ELAPOR2: variants seen among roughly 807,000 people sequenced by gnomAD.
ELAPOR2 encodes the protein endosome-lysosome associated apoptosis and autophagy regulator family member 2.
A neutral mutation model predicts 120.7 loss-of-function variants in ELAPOR2; 89 were observed. The ratio of observed to expected loss-of-function variants is 0.74; its 90% confidence interval spans 0.62 to 0.88. The LOEUF (loss-of-function observed/expected upper bound fraction) is 0.88. Among genes scored for constraint, ELAPOR2 ranks in the 40% least tolerant of loss-of-function variants. The pLI is 0.00. For missense variants in ELAPOR2, 1,134 were observed against 1,251.6 expected (o/e 0.91, Z 1.42); for synonymous variants, 444 against 444.9 (o/e 1.00, Z 0.03).
At chr7:86,972,216 C>A (rs775371420) in intron 1 of ELAPOR2, among the ~76,000 whole-genome samples, 2 of 152,104 alleles carry the variant, frequency 1.3e-5, no homozygotes, top group Non-Finnish European at 2.9e-5. Context: ...CTCTTTTGCC[C>A]CAGCCAATCA....
intron 1 of ELAPOR2, among the ~76,000 whole-genome samples, chr7:87,019,106 GA>G (rs1258047949): frequency 6.6e-6 from 1 of 151,952 alleles, no homozygotes; most frequent in African/African-American, 2.4e-5. Flanking sequence ...CAGCAACATA[GA>G]AAAAAATATA....
chr7:86,958,679 G>C (rs1791578280), intron 2 of ELAPOR2, among the ~76,000 whole-genome samples: 1 of 152,112 alleles, frequency 6.6e-6, no homozygotes, highest in Non-Finnish European at 1.5e-5. Context: ...CCTATACCTG[G>C]AATGTCACTT....
intron 1 of ELAPOR2, among the ~76,000 whole-genome samples, chr7:87,005,313 A>G (rs140158966): frequency 5.3e-4 from 79 of 149,952 alleles, no homozygotes; most frequent in African/African-American, 1.9e-3. Context: ...TTATGACATT[A>G]AAGTCTGTGT....
chr7:86,901,200 T>C (rs1788709700), intron 18 of ELAPOR2, among the ~76,000 whole-genome samples: 1 of 152,224 alleles, frequency 6.6e-6, no homozygotes, highest in Non-Finnish European at 1.5e-5. Context: ...CACAACCAGG[T>C]GGACCTTGAT....
chr7:86,964,123 C>T (rs996537795), intron 2 of ELAPOR2, among the ~76,000 whole-genome samples: 4 of 152,142 alleles, frequency 2.6e-5, no homozygotes, highest in Admixed American at 2.6e-4. Context: ...AAAAACTAAG[C>T]TTTTAGGAAT....
intron 1 of ELAPOR2, among the ~76,000 whole-genome samples, chr7:87,011,385 GTA>G (rs767902220): frequency 2.0e-5 from 3 of 152,088 alleles, no homozygotes; most frequent in Non-Finnish European, 2.9e-5. Context: ...ATCCATGTCT[GTA>G]TACCTGAAAA....
intron 5 of ELAPOR2, chr7:86,941,344 A>C (rs559344255): frequency 7.3e-5 from 39 of 532,784 alleles, no homozygotes; most frequent in Admixed American, 6.4e-4. Flanking sequence ...GATTCACTGA[A>C]TTGTTACCTG....
chr7:86,912,067 C>T lies in ELAPOR2; in HGVS notation c.2169+5G>A. The stretch of plus-strand genomic sequence containing the variant: ...GTCCATCTCACCTTGACAGCCAGAA[C>T]TCACCTCATGCCCACATAAACTGAT... On this transcript the variant is annotated splice_donor_5th_base_variant and intron_variant, in intron 15 of 21. Transcript: ENST00000450689. 2 of 1,598,892 alleles carry T rather than the reference C, an allele frequency of 1.3e-6. No individual in the cohort carries two copies. Among genetic ancestry groups the T allele is most frequent in the South Asian group, 1.1e-5 (1 of 90,508 alleles).
Position 86,914,841 on chromosome 7 carries a change from G to T in ELAPOR2, c.1613C>A (p.Thr538Lys), listed in dbSNP as rs766159116. ...YFMVDINRKS[T>K]NVVESWGGTK... ...TCCACCCCACGATTCTACCACATTT[G>T]TACTTTTTCTATTAATATCCTGAAA... is the stretch of plus-strand genomic sequence containing the variant. Residue 538 changes from threonine (T) to lysine (K), a missense_variant, in exon 13 of 22, where the codon ACA (threonine) becomes AAA (lysine). By Grantham distance (78) the Thr-to-Lys change is moderately conservative. Around this residue, in one of 3 missense-constraint regions of ELAPOR2, gnomAD observed 831 missense variants for 867.6 expected, o/e 0.96. Coordinates refer to ENST00000450689, the MANE Select transcript of ELAPOR2 (RefSeq NM_001142749.3). The T allele has an allele frequency of 3.1e-6, 5 of 1,608,624 alleles. No homozygotes were observed. Among genetic ancestry groups the T allele is most frequent in the Non-Finnish European group, 4.2e-6 (5 of 1,177,808 alleles).
chr7:87,012,260 A>G (rs1045178894), intron 1 of ELAPOR2, among the ~76,000 whole-genome samples: 2 of 152,078 alleles, frequency 1.3e-5, no homozygotes, highest in Non-Finnish European at 2.9e-5. Context: ...AAATACAAAA[A>G]TTAGCTGGGC....
chr7:86,901,379 G>A (rs1405974646), intron 18 of ELAPOR2, among the ~76,000 whole-genome samples: 31 of 152,090 alleles, frequency 2.0e-4, no homozygotes, highest in Admixed American at 2.0e-3. Context: ...AGAGATAACT[G>A]GACTGAGAGA....
At chr7:87,048,728 A>G (rs1014047732) in intron 1 of ELAPOR2, among the ~76,000 whole-genome samples, 3 of 152,188 alleles carry the variant, frequency 2.0e-5, no homozygotes, top group African/African-American at 4.8e-5. Context: ...TATCAAAACA[A>G]TCTCGTGTAC....
intron 10 of ELAPOR2, among the ~76,000 whole-genome samples, chr7:86,925,225 G>A (rs1790013094): frequency 6.6e-6 from 1 of 151,836 alleles, no homozygotes; most frequent in African/African-American, 2.4e-5. Flanking sequence ...AAAGAACATA[G>A]ATTTCATCCC....
intron 19 of ELAPOR2, among the ~76,000 whole-genome samples, chr7:86,894,145 G>A (rs975290339): frequency 1.3e-4 from 20 of 152,012 alleles, no homozygotes; most frequent in African/African-American, 4.8e-4. Context: ...ACTCACTTTG[G>A]GGAAAAGTTT....
At chr7:87,027,804 T>C (rs1195768411) in intron 1 of ELAPOR2, among the ~76,000 whole-genome samples, 1 of 152,098 alleles carries the variant, frequency 6.6e-6, no homozygotes, top group Non-Finnish European at 1.5e-5. Flanking sequence ...AATAAATTTG[T>C]GTTGTGTAAG....
At chr7:87,040,133 C>A (rs907314153) in intron 1 of ELAPOR2, among the ~76,000 whole-genome samples, 1 of 152,262 alleles carries the variant, frequency 6.6e-6, no homozygotes, top group Non-Finnish European at 1.5e-5. Context: ...CCCACGGAGT[C>A]TCGCTGATTG....
chr7:86,925,484 T>C, intron 10 of ELAPOR2, 44 bp downstream of exon 10: 1 of 1,601,200 alleles, frequency 6.2e-7, no homozygotes, highest in African/African-American at 1.3e-5. Context: ...ATGAATGATG[T>C]CTCTATTGCT....
At chr7:86,984,222 C>A (rs1043821173) in intron 1 of ELAPOR2, among the ~76,000 whole-genome samples, 2 of 152,116 alleles carry the variant, frequency 1.3e-5, no homozygotes, top group African/African-American at 4.8e-5. Context: ...CTTAGACTCC[C>A]ACACAATAAT....
chr7:86,916,397 G>C (rs1789570817), intron 12 of ELAPOR2, among the ~76,000 whole-genome samples: 1 of 152,150 alleles, frequency 6.6e-6, no homozygotes, highest in Non-Finnish European at 1.5e-5. Context: ...CTAGCTTAGA[G>C]TGTCAACACA....
Sources: gnomAD v4.1 joint callset for allele counts (sites outside exome capture counted in the v4.1 genomes callset) on GRCh38, gnomAD v4.1.1 for gene constraint, gnomAD v4.1.1 regional missense constraint, MANE v1.5 for transcripts, NCBI Gene and HGNC (gene_info 2026-07-23, HGNC 2026-07-21) for gene names.